FNDC7: variants seen among roughly 807,000 people sequenced by gnomAD.
The protein encoded by FNDC7 is fibronectin type III domain containing 7.
A neutral mutation model predicts 74.2 loss-of-function variants in FNDC7; 66 were observed. That is an observed-to-expected ratio of 0.89 (90% CI 0.73 to 1.09). The LOEUF is 1.09. Ranked by LOEUF, FNDC7 falls within the 50% of genes least tolerant of loss-of-function variation. The pLI is 0.00. For synonymous variants in FNDC7, 307 were observed against 330.2 expected (o/e 0.93, Z 0.76); for missense variants, 829 against 893.4 (o/e 0.93, Z 0.92).
chr1:108,728,731 C>G lies in FNDC7; in HGVS notation c.1469C>G (p.Thr490Ser). 2 of 1,614,282 alleles carry G rather than the reference C, an allele frequency of 1.2e-6. No homozygotes were observed. The highest frequency in any genetic ancestry group is 1.3e-5 in the African/African-American group (1 of 75,078). Residue 490 changes from threonine to serine, a missense_variant, in exon 8 of 13, where the codon ACT (threonine) becomes AGT (serine). By Grantham distance (58) the Thr-to-Ser change is moderately conservative (BLOSUM62 1). Coordinates refer to ENST00000370017, the MANE Select transcript of FNDC7 (RefSeq NM_001144937.3). ...STNDDATYTV[T>S]AQGEKGLYQC... Reference sequence around the variant, plus strand: ...AATGATGATGCTACTTACACGGTGACTGCCCAAGGGGAGAAAGGACTGTAT... The same window carrying G: ...AATGATGATGCTACTTACACGGTGAGTGCCCAAGGGGAGAAAGGACTGTAT...
chr1:108,725,938 ATTAGTGTT>A lies in FNDC7; in HGVS notation c.1048_1055del (p.Ser350CysfsTer3), dbSNP rs1661206656. Reference sequence around the variant, plus strand: ...ATCTGAGTGTGGCTTCACTTATTTTATTAGTGTTTTTGTCTATAACAAGGCAGGGCAAA... The same window carrying A: ...ATCTGAGTGTGGCTTCACTTATTTTATTTGTCTATAACAAGGCAGGGCAAA... On this transcript the variant is annotated frameshift_variant, in exon 6 of 13. Transcript: ENST00000370017. LOFTEE classifies it high-confidence loss of function. The A allele has an allele frequency of 6.2e-7, 1 of 1,613,870 alleles. No individual in the cohort carries two copies. Among genetic ancestry groups the A allele is most frequent in the Non-Finnish European group, 8.5e-7 (1 of 1,179,994 alleles).
At chr1:108,715,160 G>A (rs978261163) in intron 2 of FNDC7, among the ~76,000 whole-genome samples, 22 of 152,276 alleles carry the variant, frequency 1.4e-4, no homozygotes, top group African/African-American at 5.3e-4. Context: ...GGTTGTGTGT[G>A]TTTTGATTCT....
chr1:108,731,151 T>A (rs1235267485), intron 9 of FNDC7, among the ~76,000 whole-genome samples: 1 of 152,224 alleles, frequency 6.6e-6, no homozygotes, highest in Non-Finnish European at 1.5e-5. Context: ...GTAACAATGT[T>A]CCTCTATGCT....
rs546095642 is a variant in FNDC7 at position 108,712,912 on chromosome 1, T to C, written c.-22T>C. 2 of 1,550,720 alleles carry C rather than the reference T, an allele frequency of 1.3e-6. No individual in the cohort carries two copies. The highest frequency in any genetic ancestry group is 2.0e-5 in the Admixed American group (1 of 50,988). ...ACCCGGATTGCTTTGTTTTGTGCCA[T>C]GTGAGTACTATGTCCAACAGGATGG... On this transcript the variant is annotated 5_prime_UTR_variant, in exon 1 of 13. It removes an upstream start codon present in the reference 5' UTR. Coordinates refer to ENST00000370017, the MANE Select transcript of FNDC7 (RefSeq NM_001144937.3).
At chr1:108,729,495 G>A (rs1333781156) in intron 8 of FNDC7, among the ~76,000 whole-genome samples, 1 of 151,628 alleles carries the variant, frequency 6.6e-6, no homozygotes, top group Admixed American at 6.6e-5. Flanking sequence ...CTTGCAGTGA[G>A]CAGAGATCAT....
intron 11 of FNDC7, among the ~76,000 whole-genome samples, chr1:108,739,313 A>G (rs1036077773): frequency 1.6e-4 from 24 of 152,114 alleles, no homozygotes; most frequent in African/African-American, 5.1e-4. Context: ...CCTGGCCAAC[A>G]AAACGAGACC....
intron 2 of FNDC7, among the ~76,000 whole-genome samples, chr1:108,717,462 C>T (rs1660998498): frequency 6.6e-6 from 1 of 152,046 alleles, no homozygotes; most frequent in African/African-American, 2.4e-5. Flanking sequence ...TCTCTCTCTT[C>T]CCAGAGTTCT....
At chr1:108,738,818 A>C (rs1476568471) in intron 11 of FNDC7, among the ~76,000 whole-genome samples, 1 of 152,176 alleles carries the variant, frequency 6.6e-6, no homozygotes, top group East Asian at 1.9e-4. Context: ...CACAATCCTT[A>C]TTAATTTTTC....
chr1:108,729,968 A>G (rs1661306042), intron 8 of FNDC7, among the ~76,000 whole-genome samples: 1 of 152,266 alleles, frequency 6.6e-6, no homozygotes, highest in South Asian at 2.1e-4. Flanking sequence ...AAGCTTTTAT[A>G]TCAGTGATGT....
chr1:108,716,325 GT>G (rs1557786126), intron 2 of FNDC7, among the ~76,000 whole-genome samples: 67 of 58,516 alleles, frequency 1.1e-3, no homozygotes, highest in African/African-American at 3.8e-3. Context: ...AGAGAGGTGT[GT>G]GTGTGTGTGT....
At chr1:108,724,314 G>T (rs968442873) in intron 5 of FNDC7, among the ~76,000 whole-genome samples, 7 of 151,436 alleles carry the variant, frequency 4.6e-5, no homozygotes, top group Non-Finnish European at 7.4e-5. Context: ...ATGTCTCCTG[G>T]GTTTGTACTG....
At chr1:108,714,841 C>T (rs983709038) in intron 2 of FNDC7, among the ~76,000 whole-genome samples, 1 of 151,980 alleles carries the variant, frequency 6.6e-6, no homozygotes, top group East Asian at 1.9e-4. Context: ...GATCCGCCCG[C>T]CTCGGCCTCC....
chr1:108,722,695 T>G (rs1295769834), intron 5 of FNDC7, 103 bp downstream of exon 5: 4 of 1,283,940 alleles, frequency 3.1e-6, no homozygotes, highest in Non-Finnish European at 4.2e-6. Flanking sequence ...AAAATGAAAA[T>G]GAAAGCCTGG....
At chr1:108,719,283 C>T (rs564919619) in intron 4 of FNDC7, among the ~76,000 whole-genome samples, 1 of 152,352 alleles carries the variant, frequency 6.6e-6, no homozygotes, top group East Asian at 1.9e-4. Flanking sequence ...TGGCTCCGCC[C>T]TCTAATATCC....
chr1:108,724,754 C>CA (rs113049934), intron 5 of FNDC7, among the ~76,000 whole-genome samples: 14,375 of 127,256 alleles, frequency 0.11, 1,280 homozygotes, highest in African/African-American at 0.27. Context: ...ACCTTGTCTC[C>CA]AAAAAAAAAA....
At chr1:108,740,060 G>A (rs1661603472) in intron 11 of FNDC7, among the ~76,000 whole-genome samples, 1 of 146,882 alleles carries the variant, frequency 6.8e-6, no homozygotes, top group Admixed American at 6.8e-5. Context: ...ATCCCGCAAG[G>A]CCCTCCAAAA....
chr1:108,713,286 A>G (rs892199342), intron 1 of FNDC7, among the ~76,000 whole-genome samples: 13 of 152,184 alleles, frequency 8.5e-5, no homozygotes, highest in South Asian at 4.1e-4. Context: ...ATGAAATAGT[A>G]ATGGGATCTG....
rs1280315346 is a variant in FNDC7, at chr1:108,737,505, T to C, written c.2151T>C (p.Ser717=). Residue 717 remains serine (S), a synonymous_variant, in exon 11 of 13, where the codon TCT becomes TCC. Transcript: ENST00000370017. The part of the protein sequence containing the change: ...CPKKIYSVTC[S]GSTLGMVIYR... ...GTGTTTTTATTACAGTAACTTGCTC[T>C]GGAAGTACACTTGGAATGGGTAAGT... 3 of 1,591,108 alleles carry C rather than the reference T, an allele frequency of 1.9e-6. No individual in the cohort carries two copies. Among genetic ancestry groups the C allele is most frequent in the Non-Finnish European group, 1.7e-6 (2 of 1,172,298 alleles).
rs768207130 is a variant in FNDC7 at position 108,733,326 on chromosome 1, G to A, written c.1934G>A (p.Arg645Gln). 1.5e-5 allele frequency: 24 copies of A among 1,613,950 alleles called. No homozygotes were observed. Among genetic ancestry groups the A allele is most frequent in the Admixed American group, 6.7e-5 (4 of 60,000 alleles). ...TATAGGCTGGGCCCTAATGGCATCC[G>A]GATCTACTGGCAAGCCTCCAGGGGC... The part of the protein sequence containing the change: ...KLYRLGPNGI[R>Q]IYWQASRGSA... The change falls in exon 10 of 13, where the codon CGG becomes CAG. Residue 645 changes from arginine to glutamine, a missense_variant. Transcript: ENST00000370017.
Sources: allele counts gnomAD v4.1 joint callset (sites outside exome capture counted in the v4.1 genomes callset), GRCh38; gene constraint gnomAD v4.1.1; transcripts MANE v1.5; gene names NCBI Gene and HGNC (gene_info 2026-07-23, HGNC 2026-07-21).